The following DAB1 variants were observed in gnomAD, a reference collection of about 807,000 sequenced individuals.
The protein encoded by DAB1 is DAB adaptor protein 1.
In DAB1, 15 loss-of-function variants were observed where a neutral mutation model predicts 64.6. The observed-to-expected ratio is 0.23, with a 90% CI of 0.16 to 0.36. The LOEUF (loss-of-function observed/expected upper bound fraction) is 0.36, where lower values mean the gene tolerates loss of function less well. Among genes scored for constraint, DAB1 ranks in the 10% least tolerant of loss-of-function variants. The pLI, the probability that DAB1 is intolerant of heterozygous loss-of-function variation, is 1.00. For synonymous variants in DAB1, 235 were observed against 251.9 expected, an observed-to-expected ratio of 0.93 and a Z score of 0.64; for missense variants, 596 against 706.7, an observed-to-expected ratio of 0.84 and a Z score of 1.78.
At chr1:58,041,570 A>G (rs1313758331) in intron 5 of DAB1, among the ~76,000 whole-genome samples, 1 of 152,172 alleles carries the variant, frequency 6.6e-6, no homozygotes, top group Non-Finnish European at 1.5e-5. Context: ...GGGTAGAGTA[A>G]CCTGCCTAAG....
intron 1 of DAB1, among the ~76,000 whole-genome samples, chr1:57,298,893 A>G (rs370781747): frequency 2.0e-5 from 3 of 152,236 alleles, no homozygotes; most frequent in African/African-American, 7.2e-5. Flanking sequence ...CACAAAGTCT[A>G]TAGAACTTTT....
chr1:57,069,278 A>T (rs1056484637), intron 8 of DAB1, 82 bp downstream of exon 8: 26 of 1,171,610 alleles, frequency 2.2e-5, no homozygotes, highest in Non-Finnish European at 3.2e-5. Context: ...GACCAACAGA[A>T]CCCTTGGTTC....
At chr1:58,285,345 G>A (rs1432619018) in intron 4 of DAB1, among the ~76,000 whole-genome samples, 1 of 152,126 alleles carries the variant, frequency 6.6e-6, no homozygotes, top group Non-Finnish European at 1.5e-5. Flanking sequence ...ATTCAAATCG[G>A]AAGTCAAACT....
chr1:57,240,142 T>A (rs1668395278), intron 2 of DAB1, among the ~76,000 whole-genome samples: 2 of 152,212 alleles, frequency 1.3e-5, no homozygotes, highest in African/African-American at 4.8e-5. Flanking sequence ...AACAATATAT[T>A]ACTATTTGCT....
intron 4 of DAB1, chr1:58,228,777 A>G: frequency 1.2e-6 from 1 of 839,762 alleles, no homozygotes; most frequent in Non-Finnish European, 1.9e-6. Context: ...TATGCAAACA[A>G]GACAGAAATC....
intron 3 of DAB1, among the ~76,000 whole-genome samples, chr1:58,411,522 A>G (rs1415428184): frequency 6.6e-6 from 1 of 152,194 alleles, no homozygotes; most frequent in Non-Finnish European, 1.5e-5. Flanking sequence ...GTGGTCAGGG[A>G]AGGCTTCCTA....
At chr1:57,736,046 T>TA (rs772134449) in intron 6 of DAB1, among the ~76,000 whole-genome samples, 3 of 151,916 alleles carry the variant, frequency 2.0e-5, no homozygotes, top group Non-Finnish European at 2.9e-5. Context: ...TATCTAAGTT[T>TA]AAAAAAAAGA....
intron 3 of DAB1, among the ~76,000 whole-genome samples, chr1:58,346,993 C>T (rs143473356): frequency 3.2e-4 from 48 of 152,306 alleles, no homozygotes; most frequent in Non-Finnish European, 6.0e-4. Flanking sequence ...CTGTATGGTC[C>T]ATTTTATCAT....
In DAB1 at chr1:58,349,206, C is replaced by T. The variant is rs144341534; in HGVS notation, n.258-5803G>A. Among the ~76,000 whole-genome samples, 464 of 152,240 alleles carry T rather than the reference C, an allele frequency of 3.0e-3. 2 individuals are homozygous for T. The highest frequency in any genetic ancestry group is 0.011 in the African/African-American group (451 of 41,540). ...CCTGGGTTGCTCCACAGCCTGAGCC[C>T]CTGCTCTTCTCTTAGTTCCATGAAA... On this transcript the variant is annotated intron_variant and non_coding_transcript_variant, in intron 3 of 20. Coordinates refer to the DAB1 transcript ENST00000485760.
At chr1:57,881,452 A>G (rs1346540557) in intron 1 of DAB1, among the ~76,000 whole-genome samples, 1 of 152,208 alleles carries the variant, frequency 6.6e-6, no homozygotes, top group Non-Finnish European at 1.5e-5. Context: ...AGCCAGGCAT[A>G]GGGTCAAGTC....
chr1:58,033,392 AC>A (rs1646998547), intron 5 of DAB1, among the ~76,000 whole-genome samples: 3 of 152,162 alleles, frequency 2.0e-5, no homozygotes, highest in African/African-American at 7.2e-5. Context: ...GCACCATACA[AC>A]TTCACGGTTC....
intron 4 of DAB1, among the ~76,000 whole-genome samples, chr1:58,282,543 A>C (rs2100441127): frequency 6.6e-6 from 1 of 151,932 alleles, no homozygotes; most frequent in African/African-American, 2.4e-5. Context: ...AGAAGATTGC[A>C]TTTTAATCCA....
chr1:58,350,375 G>C (rs1001786827), intron 3 of DAB1, among the ~76,000 whole-genome samples: 2 of 152,136 alleles, frequency 1.3e-5, no homozygotes, highest in Non-Finnish European at 2.9e-5. Context: ...CAGGCGGATA[G>C]ATTGTAAAAA....
chr1:58,124,274 G>C (rs1031265860), intron 5 of DAB1, among the ~76,000 whole-genome samples: 9 of 151,780 alleles, frequency 5.9e-5, no homozygotes, highest in Non-Finnish European at 1.2e-4. Context: ...AACAAAGATG[G>C]TCAATTACAG....
intron 3 of DAB1, among the ~76,000 whole-genome samples, chr1:58,438,547 G>A (rs1008418280): frequency 2.0e-5 from 3 of 152,114 alleles, no homozygotes; most frequent in Admixed American, 1.3e-4. Context: ...CCTCGACTCC[G>A]CCCCTGCCCT....
chr1:58,185,827 A>C (rs752801872), intron 4 of DAB1, among the ~76,000 whole-genome samples: 1 of 152,104 alleles, frequency 6.6e-6, no homozygotes, highest in African/African-American at 2.4e-5. Flanking sequence ...TGCCCTCTAC[A>C]ATCTATATGA....
intron 4 of DAB1, among the ~76,000 whole-genome samples, chr1:58,211,577 G>A (rs1251904562): frequency 6.6e-6 from 1 of 152,144 alleles, no homozygotes; most frequent in African/African-American, 2.4e-5. Flanking sequence ...ATACAAAGAA[G>A]TGAGAAAAGA....
intron 5 of DAB1, among the ~76,000 whole-genome samples, chr1:58,024,529 C>T (rs530212395): frequency 8.5e-5 from 13 of 152,306 alleles, no homozygotes; most frequent in Non-Finnish European, 1.3e-4. Context: ...ATTCTATACA[C>T]CCACTGTGTC....
intron 3 of DAB1, among the ~76,000 whole-genome samples, chr1:58,473,003 T>C (rs1026974110): frequency 1.3e-5 from 2 of 152,192 alleles, no homozygotes; most frequent in Non-Finnish European, 2.9e-5. Context: ...GCAGGTGTTA[T>C]AGAAGATTTG....
Sources: gnomAD v4.1 joint callset for allele counts (sites outside exome capture counted in the v4.1 genomes callset) on GRCh38, gnomAD v4.1.1 for gene constraint, MANE v1.5 for transcripts, NCBI Gene and HGNC (gene_info 2026-07-23, HGNC 2026-07-21) for gene names.